The following AGBL1 variants were observed in gnomAD, a reference collection of about 807,000 sequenced individuals.
AGBL1 encodes cytosolic carboxypeptidase 4.
A neutral mutation model predicts 118.9 loss-of-function variants in AGBL1; 130 were observed. The ratio of observed to expected loss-of-function variants is 1.09; its 90% confidence interval spans 0.95 to 1.26. AGBL1 has a LOEUF of 1.26. AGBL1 is among the 50% of genes most tolerant of loss of function. AGBL1 has a pLI of 0.00. For missense variants in AGBL1, 1,584 were observed against 1,298.1 expected (o/e 1.22, Z -3.38); for synonymous variants, 555 against 478.9 (o/e 1.16, Z -2.08).
intron 6 of AGBL1, among the ~76,000 whole-genome samples, chr15:86,236,500 C>T (rs1220573418): frequency 6.6e-6 from 1 of 151,970 alleles, no homozygotes; most frequent in Non-Finnish European, 1.5e-5. Context: ...ATGGACATAT[C>T]GAGAGTGATA....
intron 18 of AGBL1, among the ~76,000 whole-genome samples, chr15:86,488,663 C>T (rs573180345): frequency 2.7e-4 from 41 of 152,192 alleles, no homozygotes; most frequent in Admixed American, 8.5e-4. Context: ...CCCTCTTCTA[C>T]GTTCCTCTTT....
chr15:86,877,993 G>T (rs1181249248), intron 22 of AGBL1, among the ~76,000 whole-genome samples: 3 of 152,182 alleles, frequency 2.0e-5, no homozygotes, highest in Non-Finnish European at 2.9e-5. Context: ...TCATGTTGAT[G>T]TTGAGGAAAA....
intron 18 of AGBL1, among the ~76,000 whole-genome samples, chr15:86,475,731 A>G (rs914018849): frequency 7.2e-5 from 11 of 152,196 alleles, no homozygotes; most frequent in Admixed American, 2.0e-4. Flanking sequence ...GAATGCCACA[A>G]AGATACTCAT....
In AGBL1 at chr15:86,869,007, C is replaced by T. The variant is rs528600603; in HGVS notation, c.3159-38080C>T. ...GCCTTTAAATCAACAGCTTCAAGGACCAAGCAAAGGCATCATTTTGAAAGA... is the reference window on the plus strand; with the variant it reads ...GCCTTTAAATCAACAGCTTCAAGGATCAAGCAAAGGCATCATTTTGAAAGA... On this transcript the variant is annotated intron_variant, in intron 22 of 22. Coordinates refer to ENST00000614907, the MANE Select transcript of AGBL1 (RefSeq NM_001386094.1). 6.6e-5 allele frequency among the ~76,000 whole-genome samples: 10 copies of T among 152,264 alleles called. No individual in the cohort carries two copies. The East Asian group carries it at 1.9e-3, about 29-fold the overall frequency.
intron 18 of AGBL1, among the ~76,000 whole-genome samples, chr15:86,454,402 T>C (rs1010691620): frequency 2.0e-5 from 3 of 152,194 alleles, no homozygotes; most frequent in African/African-American, 7.2e-5. Flanking sequence ...TATGATTCAG[T>C]GAATTCCACT....
intron 22 of AGBL1, among the ~76,000 whole-genome samples, chr15:86,741,968 T>A (rs1337069193): frequency 1.4e-5 from 2 of 147,180 alleles, no homozygotes; most frequent in Non-Finnish European, 3.0e-5. Context: ...ATTCTCTTTA[T>A]CCACTGGAGT....
rs991843731 is a variant in AGBL1 at position 86,168,306 on chromosome 15, T to G, written c.488+9280T>G. On this transcript the variant is annotated intron_variant, in intron 5 of 22. Transcript: ENST00000614907. ...ACTCACTGAGAGGGCAGCTTTTGAT[T>G]TGAAATAGGGAAGGAATTTCTGGAT... Among the ~76,000 whole-genome samples, 9 of 152,292 alleles carry G rather than the reference T, an allele frequency of 5.9e-5. No individual in the cohort carries two copies. In the East Asian group the frequency reaches 1.4e-3, roughly 23 times the overall value.
chr15:86,999,662 T>C (rs1202386036), intron 24 of AGBL1, among the ~76,000 whole-genome samples: 1 of 151,110 alleles, frequency 6.6e-6, no homozygotes, highest in East Asian at 1.9e-4. Context: ...GTCTTTGCTA[T>C]TGTGAATAAT....
chr15:86,307,635 CGTGTGCCT>C (rs924458208), intron 17 of AGBL1, among the ~76,000 whole-genome samples: 4 of 151,840 alleles, frequency 2.6e-5, no homozygotes, highest in Non-Finnish European at 1.5e-5. Context: ...CATAGGGTGG[CGTGTGCCT>C]GTAGTCCCAA....
chr15:86,712,364 C>CTTT (rs11411325), intron 22 of AGBL1, among the ~76,000 whole-genome samples: 3 of 146,060 alleles, frequency 2.1e-5, no homozygotes, highest in African/African-American at 7.5e-5. Context: ...ACGATGTGTA[C>CTTT]TTTTTTTTTT....
At chr15:86,922,161 A>G (rs993520743) in intron 23 of AGBL1, among the ~76,000 whole-genome samples, 2 of 152,260 alleles carry the variant, frequency 1.3e-5, no homozygotes, top group African/African-American at 4.8e-5. Context: ...AATATGAAAC[A>G]AAGTTGATTT....
At chr15:86,857,686 C>G (rs752444655) in intron 22 of AGBL1, among the ~76,000 whole-genome samples, 8 of 152,152 alleles carry the variant, frequency 5.3e-5, no homozygotes, top group Non-Finnish European at 7.3e-5. Context: ...CTCTTTCATT[C>G]AGACCTGGCT....
intron 22 of AGBL1, among the ~76,000 whole-genome samples, chr15:86,822,623 C>G (rs886211389): frequency 1.3e-5 from 2 of 152,044 alleles, no homozygotes; most frequent in African/African-American, 4.8e-5. Context: ...CTATGCGAAC[C>G]TACCCCTAAA....
intron 18 of AGBL1, among the ~76,000 whole-genome samples, chr15:86,495,511 T>C (rs2082839147): frequency 6.6e-6 from 1 of 151,920 alleles, no homozygotes; most frequent in Non-Finnish European, 1.5e-5. Context: ...TTCTACATTT[T>C]ATAACTTCCA....
chr15:86,242,599 A>G (rs967073384), intron 6 of AGBL1, among the ~76,000 whole-genome samples: 1 of 152,190 alleles, frequency 6.6e-6, no homozygotes, highest in Admixed American at 6.6e-5. Flanking sequence ...GGAGGGGTAC[A>G]TGAGTTTAGA....
intron 21 of AGBL1, among the ~76,000 whole-genome samples, chr15:86,669,716 C>A (rs1415716776): frequency 1.3e-5 from 2 of 152,116 alleles, no homozygotes; most frequent in Non-Finnish European, 2.9e-5. Context: ...GCAATAATTT[C>A]TTAAAGTATT....
intron 18 of AGBL1, among the ~76,000 whole-genome samples, chr15:86,511,275 T>C (rs2083049623): frequency 6.6e-6 from 1 of 152,050 alleles, no homozygotes; most frequent in Non-Finnish European, 1.5e-5. Context: ...ATCCCATCCA[T>C]TTTTAAAATA....
chr15:86,665,048 A>G (rs527248568), intron 21 of AGBL1, among the ~76,000 whole-genome samples: 1 of 152,292 alleles, frequency 6.6e-6, no homozygotes, highest in South Asian at 2.1e-4. Flanking sequence ...ATAGCATTAC[A>G]AAAATTTAAA....
Position 86,267,186 on chromosome 15 carries a change from A to G in AGBL1, c.1838+110A>G, listed in dbSNP as rs2079088240. ...GACCTTGCATTGGTGGCTTGAAATC[A>G]GCCATGGTGGGAATATTTATATCAT... On this transcript the variant is annotated intron_variant, in intron 13 of 22. Transcript: ENST00000614907. 4.9e-6 allele frequency: 4 copies of G among 820,028 alleles called. No individual in the cohort carries two copies. In the South Asian group the frequency reaches 6.1e-5, roughly 12 times the overall value. The allele number at this position is 820,028 out of a possible 1,614,324, so 50.8% of individuals were successfully genotyped here. A position where few individuals can be genotyped will look rare whatever the true frequency, so the allele number is the denominator to read the frequency against.
Sources: gnomAD v4.1 joint callset for allele counts (sites outside exome capture counted in the v4.1 genomes callset) on GRCh38, gnomAD v4.1.1 for gene constraint, MANE v1.5 for transcripts, NCBI Gene and HGNC (gene_info 2026-07-23, HGNC 2026-07-21) for gene names.